The following ARHGEF6 variants were observed in gnomAD, a reference collection of about 807,000 sequenced individuals.
ARHGEF6 encodes Rac/Cdc42 guanine nucleotide exchange factor 6.
A neutral mutation model predicts 70.3 loss-of-function variants in ARHGEF6; 9 were observed. That is an observed-to-expected ratio of 0.13 (90% CI 0.08 to 0.22). The LOEUF is 0.22. Ranked by LOEUF, ARHGEF6 falls within the 10% of genes least tolerant of loss-of-function variation. ARHGEF6 has a pLI of 1.00. For missense variants in ARHGEF6, 470 were observed against 563.0 expected (o/e 0.83, Z 1.67); for synonymous variants, 201 against 207.8 (o/e 0.97, Z 0.28).
chrX:136,669,125 T>A (rs1603326404), intron 21 of ARHGEF6, among the ~76,000 whole-genome samples: 1 of 111,880 alleles, frequency 8.9e-6, no homozygotes, highest in Admixed American at 9.5e-5. Flanking sequence ...CACGGAGCAC[T>A]AGGCCACATC....
At chrX:136,738,908 G>A (rs2077015188) in intron 5 of ARHGEF6, among the ~76,000 whole-genome samples, 1 of 112,060 alleles carries the variant, frequency 8.9e-6, no homozygotes, top group South Asian at 3.7e-4. Context: ...TATCCCCAGA[G>A]TAATCCACAC....
intron 9 of ARHGEF6, among the ~76,000 whole-genome samples, chrX:136,699,060 A>G (rs1043514314): frequency 5.4e-5 from 6 of 112,061 alleles, no homozygotes; most frequent in African/African-American, 1.9e-4. Context: ...GGAAAAAATG[A>G]AGGGAAATAG....
chrX:136,776,105 A>C (rs1415577032), intron 2 of ARHGEF6, among the ~76,000 whole-genome samples: 1 of 111,950 alleles, frequency 8.9e-6, no homozygotes, highest in Non-Finnish European at 1.9e-5. Context: ...TGTGAAAAAG[A>C]CCATACTGCT....
intron 11 of ARHGEF6, among the ~76,000 whole-genome samples, chrX:136,686,617 TATATACACATATATATATATATATAC>T (rs1569393785): frequency 3.5e-4 from 26 of 73,414 alleles, no homozygotes; most frequent in African/African-American, 1.4e-3. Flanking sequence ...TATATATATA[TATATACACATATATATATATATATAC>T]ACACATATAT....
rs1446163349 is a variant in ARHGEF6 at position 136,668,173 on chromosome X, T to C, written c.2191-4A>G. The C allele has an allele frequency of 8.3e-7, 1 of 1,211,266 alleles. No homozygotes were observed. Among genetic ancestry groups the C allele is most frequent in the South Asian group, 1.8e-5 (1 of 56,975 alleles). ...ATTGCTTCATTCTTTTATTTTCCTATGATGGGGAAAGATTTGTTGATTATC... is the reference window on the plus strand; with the variant it reads ...ATTGCTTCATTCTTTTATTTTCCTACGATGGGGAAAGATTTGTTGATTATC... On this transcript the variant is annotated splice_polypyrimidine_tract_variant and splice_region_variant and intron_variant, in intron 21 of 21. Coordinates refer to ENST00000250617, the MANE Select transcript of ARHGEF6 (RefSeq NM_004840.3).
At chrX:136,715,252 A>T (rs1234014068) in intron 6 of ARHGEF6, among the ~76,000 whole-genome samples, 1 of 111,411 alleles carries the variant, frequency 9.0e-6, no homozygotes, top group Non-Finnish European at 1.9e-5. Context: ...CTCTATAGAA[A>T]GTCCAAGCGC....
At chrX:136,685,598 C>T in intron 12 of ARHGEF6, 79 bp downstream of exon 12, 4 of 1,051,925 alleles carry the variant, frequency 3.8e-6, no homozygotes, top group African/African-American at 2.2e-5. Context: ...CAGAACAAGA[C>T]TCCGTCAAAA....
intron 2 of ARHGEF6, among the ~76,000 whole-genome samples, chrX:136,766,827 A>G (rs1316064177): frequency 8.9e-6 from 1 of 112,543 alleles, no homozygotes; most frequent in Non-Finnish European, 1.9e-5. Context: ...TAAAAATGGT[A>G]CTGTTGACTC....
intron 2 of ARHGEF6, among the ~76,000 whole-genome samples, chrX:136,772,384 ATAACT>A (rs1480494207): frequency 8.9e-6 from 1 of 112,199 alleles, no homozygotes; most frequent in Non-Finnish European, 1.9e-5. Context: ...ACTTATTAAA[ATAACT>A]TAAAGAGTGT....
chrX:136,740,236 T>G (rs923609503), intron 5 of ARHGEF6, among the ~76,000 whole-genome samples: 1 of 111,128 alleles, frequency 9.0e-6, no homozygotes, highest in Non-Finnish European at 1.9e-5. Flanking sequence ...CGCGAATTCC[T>G]AACCTCAAGT....
chrX:136,668,103 C>A lies in ARHGEF6; in HGVS notation c.2257G>T (p.Val753Leu), dbSNP rs1314819867. The A allele has an allele frequency of 2.5e-6, 3 of 1,211,530 alleles. No individual in the cohort carries two copies. The highest frequency in any genetic ancestry group is 3.4e-6 in the Non-Finnish European group (3 of 895,173). ...LKSRRDLEKL[V>L]RRLLKQTDEC... ...TCTGTTTGCTTCAAAAGCCTCCGCA[C>A]CAGCTTTTCTAGGTCCCTTCTTGAT... Residue 753 changes from valine (V) to leucine (L), a missense_variant, in exon 22 of 22, where the codon GTG becomes TTG. Coordinates refer to ENST00000250617, the MANE Select transcript of ARHGEF6 (RefSeq NM_004840.3).
chrX:136,673,622 G>T (rs1483089654), intron 19 of ARHGEF6, among the ~76,000 whole-genome samples: 1 of 110,849 alleles, frequency 9.0e-6, no homozygotes, highest in Non-Finnish European at 1.9e-5. Flanking sequence ...GATGCTTCTG[G>T]TATCTCTTTG....
Position 136,747,495 on chromosome X carries a change from A to C in ARHGEF6, c.334+13T>G, listed in dbSNP as rs770128029. The C allele has an allele frequency of 8.3e-7, 1 of 1,202,512 alleles. No individual in the cohort carries two copies. The highest frequency in any genetic ancestry group is 2.2e-5 in the Admixed American group (1 of 45,826). ...ATGTCACCCAGAACATATAAATCAC[A>C]AGCCCGGCTTACCTTCTGTTGCTTT... On this transcript the variant is annotated intron_variant, in intron 3 of 21. Transcript: ENST00000250617.
chrX:136,755,240 GTC>G, intron 2 of ARHGEF6, among the ~76,000 whole-genome samples: 1 of 112,052 alleles, frequency 8.9e-6, no homozygotes, highest in South Asian at 3.7e-4. Context: ...CCAAATCAAT[GTC>G]CAACATCCTT....
intron 16 of ARHGEF6, 22 bp downstream of exon 16, chrX:136,679,512 TA>T (rs1219684951): frequency 1.7e-6 from 2 of 1,208,038 alleles, no homozygotes; most frequent in African/African-American, 3.5e-5. Flanking sequence ...AGAAGCATTT[TA>T]TACCATAGGT....
intron 18 of ARHGEF6, among the ~76,000 whole-genome samples, chrX:136,675,910 G>A (rs2076278099): frequency 9.3e-6 from 1 of 107,506 alleles, no homozygotes; most frequent in Non-Finnish European, 1.9e-5. Context: ...GCAATGGCTG[G>A]ATGGCAGCAC....
At position 136,773,667 on chromosome X, in the gene ARHGEF6, G is replaced by A. The variant is rs1057504202; in HGVS notation, c.249+5747C>T. ...GTGCAGTGCTATATTAAGTGCCTTG[G>A]ATGTATTATCTCATTTGATCCTTAA... On this transcript the variant is annotated intron_variant, in intron 2 of 21. Transcript: ENST00000250617. Among the ~76,000 whole-genome samples the A allele has an allele frequency of 1.7e-4, 19 of 112,089 alleles. 1 individual carries two copies. The East Asian group carries it at 4.2e-3, about 25-fold the overall frequency.
chrX:136,704,443 G>A (rs2076606326), intron 9 of ARHGEF6, among the ~76,000 whole-genome samples: 1 of 112,236 alleles, frequency 8.9e-6, no homozygotes, highest in African/African-American at 3.2e-5. Flanking sequence ...ACTTCCAGTA[G>A]GTACATGAAA....
intron 2 of ARHGEF6, among the ~76,000 whole-genome samples, chrX:136,764,175 A>C (rs1219219384): frequency 1.8e-5 from 2 of 111,302 alleles, no homozygotes; most frequent in African/African-American, 6.5e-5. Context: ...TTTCAAAAAA[A>C]AAAAAATCAC....
Sources: gnomAD v4.1 joint callset for allele counts (sites outside exome capture counted in the v4.1 genomes callset) on GRCh38, gnomAD v4.1.1 for gene constraint, MANE v1.5 for transcripts, NCBI Gene and HGNC (gene_info 2026-07-23, HGNC 2026-07-21) for gene names.